The following PROCR variants were observed in gnomAD, a reference collection of about 807,000 sequenced individuals.
PROCR encodes the protein endothelial protein C receptor.
Under a neutral mutation model 24.2 loss-of-function variants are expected in PROCR, and 22 were observed. That is an observed-to-expected ratio of 0.91 (90% CI 0.65 to 1.30). PROCR has a LOEUF of 1.30. PROCR is among the 50% of genes most tolerant of loss of function. PROCR has a pLI of 0.00. For synonymous variants in PROCR, 137 were observed against 139.2 expected (o/e 0.98, Z 0.11); for missense variants, 288 against 307.7 (o/e 0.94, Z 0.48).
At position 35,212,916 on chromosome 20, in the gene PROCR, C is replaced by T. The variant is rs1204427328; in HGVS notation, c.95-2977C>T. Among the ~76,000 whole-genome samples, 5 of 152,184 alleles carry T rather than the reference C, an allele frequency of 3.3e-5. No individual in the cohort carries two copies. In the East Asian group the frequency reaches 7.7e-4, roughly 23 times the overall value. ...CTGTTTTATCATGCCCTCTTTAACA[C>T]TCTGTAGTATCCAACCTTTTGGTAT... On this transcript the variant is annotated intron_variant, in intron 1 of 1. Coordinates refer to the PROCR transcript ENST00000634509.
intron 1 of PROCR, among the ~76,000 whole-genome samples, chr20:35,187,988 G>T (rs550922655): frequency 6.6e-6 from 1 of 152,290 alleles, no homozygotes; most frequent in East Asian, 1.9e-4. Flanking sequence ...GTTTACAAGA[G>T]AAATAAACAA....
chr20:35,180,224 G>T (rs2086064923), downstream of PROCR, among the ~76,000 whole-genome samples: 1 of 151,204 alleles, frequency 6.6e-6, no homozygotes, highest in African/African-American at 2.4e-5. Flanking sequence ...TCCAGCCTGG[G>T]CAACAAGAGC....
At chr20:35,201,794 T>A (rs890318170) in intron 1 of PROCR, 1 of 152,130 alleles carries the variant, frequency 6.6e-6, no homozygotes, top group African/African-American at 2.4e-5. Flanking sequence ...TAAGGAAACC[T>A]ATTTTAAATA....
intron 1 of PROCR, among the ~76,000 whole-genome samples, chr20:35,192,687 A>C (rs931596766): frequency 6.6e-6 from 1 of 151,976 alleles, no homozygotes; most frequent in East Asian, 1.9e-4. Flanking sequence ...CTCCCTCTGT[A>C]CCCAAGCTGT....
intron 1 of PROCR, chr20:35,202,860 C>T (rs886934589): frequency 1.3e-5 from 2 of 152,170 alleles, no homozygotes; most frequent in Non-Finnish European, 2.9e-5. Flanking sequence ...ATATAACGGA[C>T]ATTTATAAAA....
chr20:35,174,499 G>T, intron 1 of PROCR: 1 of 671,884 alleles, frequency 1.5e-6, no homozygotes. Context: ...TTCCTCATCT[G>T]TAAAACGGAG....
downstream of PROCR, among the ~76,000 whole-genome samples, chr20:35,180,469 C>G (rs2086067373): frequency 6.6e-6 from 1 of 152,096 alleles, no homozygotes; most frequent in African/African-American, 2.4e-5. Flanking sequence ...AACTGCAGGA[C>G]AACTCTGAGA....
At chr20:35,215,622 G>A (rs2060379597) in intron 1 of PROCR, among the ~76,000 whole-genome samples, 1 of 152,058 alleles carries the variant, frequency 6.6e-6, no homozygotes. Context: ...CAAGGGTTAA[G>A]GACATGAATT....
chr20:35,205,664 T>C (rs2060335739), intron 1 of PROCR, among the ~76,000 whole-genome samples: 1 of 148,370 alleles, frequency 6.7e-6, no homozygotes. Context: ...GGCAGGAGAA[T>C]TGCTTGAACC....
intron 1 of PROCR, among the ~76,000 whole-genome samples, chr20:35,182,770 G>C (rs1161678063): frequency 6.6e-6 from 1 of 152,132 alleles, no homozygotes; most frequent in Non-Finnish European, 1.5e-5. Flanking sequence ...GAGGTCAGGT[G>C]TTCGAGACCA....
At chr20:35,207,929 T>C (rs2060348383) in intron 1 of PROCR, among the ~76,000 whole-genome samples, 1 of 55,456 alleles carries the variant, frequency 1.8e-5, no homozygotes, top group South Asian at 5.2e-4. Context: ...GAGTAAGTTA[T>C]TCCGTCTCAA....
chr20:35,211,789 G>C (rs1383938965), intron 1 of PROCR, among the ~76,000 whole-genome samples: 1 of 152,064 alleles, frequency 6.6e-6, no homozygotes, highest in Non-Finnish European at 1.5e-5. Context: ...TGAGGCAGGA[G>C]GATCACCCGA....
intron 1 of PROCR, among the ~76,000 whole-genome samples, chr20:35,211,438 G>A (rs2060362452): frequency 6.6e-6 from 1 of 152,160 alleles, no homozygotes; most frequent in Non-Finnish European, 1.5e-5. Context: ...TATGGCTCCT[G>A]GAATGAAGAA....
intron 1 of PROCR, among the ~76,000 whole-genome samples, chr20:35,213,210 G>A (rs1033946957): frequency 1.3e-5 from 2 of 152,106 alleles, no homozygotes; most frequent in Admixed American, 6.5e-5. Context: ...GCATGTGCCT[G>A]TAGTCCCAGC....
intron 1 of PROCR, among the ~76,000 whole-genome samples, chr20:35,188,441 G>A (rs1366464268): frequency 6.6e-6 from 1 of 152,172 alleles, no homozygotes; most frequent in Non-Finnish European, 1.5e-5. Context: ...GTGAAAAGGG[G>A]AAAGATGTTT....
intron 1 of PROCR, among the ~76,000 whole-genome samples, chr20:35,204,658 C>T (rs1442163664): frequency 5.3e-5 from 8 of 151,986 alleles, no homozygotes; most frequent in South Asian, 2.1e-4. Context: ...TACAGGCATG[C>T]GCCACCATGC....
chr20:35,205,400 T>TTA (rs1555791694), intron 1 of PROCR, among the ~76,000 whole-genome samples: 2 of 128,902 alleles, frequency 1.6e-5, no homozygotes, highest in Non-Finnish European at 1.8e-5. Context: ...CCATTCATGA[T>TTA]AAAAAAAAAA....
intron 1 of PROCR, among the ~76,000 whole-genome samples, chr20:35,213,794 C>T (rs971706305): frequency 6.6e-6 from 1 of 152,180 alleles, no homozygotes; most frequent in African/African-American, 2.4e-5. Flanking sequence ...CTCCTTCCAG[C>T]CAGGCATGGT....
intron 1 of PROCR, among the ~76,000 whole-genome samples, chr20:35,192,574 G>A (rs181851363): frequency 2.8e-3 from 426 of 152,220 alleles, no homozygotes; most frequent in African/African-American, 9.7e-3. Flanking sequence ...CTATCTTAGT[G>A]CACCTGAAGG....
Sources: allele counts gnomAD v4.1 joint callset (sites outside exome capture counted in the v4.1 genomes callset), GRCh38; gene constraint gnomAD v4.1.1; transcripts MANE v1.5; gene names NCBI Gene and HGNC (gene_info 2026-07-23, HGNC 2026-07-21).